NBPF3: variants seen among roughly 807,000 people sequenced by gnomAD.
The protein encoded by NBPF3 is NBPF member 3.
NBPF3 carries 57 observed loss-of-function variants against 78.1 expected under a neutral mutation model. The ratio of observed to expected loss-of-function variants is 0.73; its 90% CI spans 0.59 to 0.91. The LOEUF (loss-of-function observed/expected upper bound fraction) is 0.91. Ranked by LOEUF, NBPF3 falls within the 40% of genes least tolerant of loss-of-function variation. NBPF3 has a pLI of 0.00. For missense variants in NBPF3, 510 were observed against 715.3 expected, an observed-to-expected ratio of 0.71 and a Z score of 3.27; for synonymous variants, 182 against 271.7, an observed-to-expected ratio of 0.67 and a Z score of 3.25.
At chr1:21,467,457 A>C in intron 2 of NBPF3, 1 of 458,668 alleles carries the variant, frequency 2.2e-6, no homozygotes, top group African/African-American at 2.0e-5. Flanking sequence ...TCTCATCTCA[A>C]ACTCACCCTC....
chr1:21,438,100 G>A (rs375964344), upstream of NBPF3, among the ~76,000 whole-genome samples: 137 of 148,112 alleles, frequency 9.2e-4, 1 homozygote, highest in South Asian at 0.029. Context: ...GATTACAGGC[G>A]TGAGCCACCA....
At chr1:21,467,023 CAAGT>C in intron 2 of NBPF3, 1 of 984,908 alleles carries the variant, frequency 1.0e-6, no homozygotes, top group Non-Finnish European at 1.2e-6. Context: ...TGTGTGACCT[CAAGT>C]AAGCCACGTA....
intron 2 of NBPF3, among the ~76,000 whole-genome samples, chr1:21,456,305 C>T (rs1641599016): frequency 2.0e-5 from 3 of 152,218 alleles, no homozygotes; most frequent in African/African-American, 7.2e-5. Context: ...TAACTCTCCT[C>T]AAACTCACAT....
In NBPF3 at chr1:21,476,357, C is replaced by G. The variant is rs948254113; in HGVS notation, c.992+1406C>G. ...TTTTGCCTGTTAGTTGATGCACTTT[C>G]TTCCTAGCATTGATGGTCTTTACAA... is the stretch of plus-strand genomic sequence containing the variant. On this transcript the variant is annotated intron_variant, in intron 8 of 14. Coordinates refer to ENST00000318249, the MANE Select transcript of NBPF3 (RefSeq NM_032264.6). This position sits in a 1 kb window ranked among gnomAD's most constrained non-coding sequence, Gnocchi z 4.1. Among the ~76,000 whole-genome samples, 1 of 152,184 alleles carries G rather than the reference C, an allele frequency of 6.6e-6. No individual in the cohort carries two copies. Among genetic ancestry groups the G allele is most frequent in the East Asian group, 1.9e-4 (1 of 5,192 alleles).
chr1:21,465,910 C>G (rs1642234075), intron 2 of NBPF3, among the ~76,000 whole-genome samples: 1 of 152,224 alleles, frequency 6.6e-6, no homozygotes, highest in South Asian at 2.1e-4. Flanking sequence ...GTTGTGTTCA[C>G]TAGATCAGAG....
intron 8 of NBPF3, 87 bp downstream of exon 8, chr1:21,475,038 A>ATAAAAAGTT: frequency 8.5e-7 from 1 of 1,176,976 alleles, no homozygotes; most frequent in Non-Finnish European, 1.2e-6. Flanking sequence ...AATGAATAGA[A>ATAAAAAGTT]CTTTTTATTC....
rs532853129 is a variant in NBPF3 at position 21,468,473 on chromosome 1, C to G, written c.134-215C>G. On this transcript the variant is annotated intron_variant, in intron 2 of 14. Transcript: ENST00000318249. ...CCTGGCACACTGGCCTCACTCTTGT[C>G]GGAGACTGAGCTATTGGCAGTGCCT... The G allele has an allele frequency of 4.9e-6, 7 of 1,430,464 alleles. No homozygotes were observed. In the Admixed American group the frequency reaches 8.7e-5, roughly 18 times the overall value. 88.6% of individuals were successfully genotyped at this position (1,430,464 alleles called of 1,614,324 possible).
intron 2 of NBPF3, among the ~76,000 whole-genome samples, chr1:21,447,635 C>T (rs1177365310): frequency 2.6e-5 from 4 of 152,116 alleles, no homozygotes; most frequent in African/African-American, 9.7e-5. Flanking sequence ...ACAACAGTTT[C>T]TTTATTCATT....
chr1:21,445,107 C>G lies in NBPF3; in HGVS notation c.21C>G (p.Val7=), dbSNP rs200810409. The G allele has an allele frequency of 1.4e-4, 220 of 1,611,838 alleles. 3 individuals carry two copies. In the East Asian group the frequency reaches 2.7e-3, roughly 20 times the overall value. The change falls in exon 2 of 15, where the codon GTC becomes GTG. Residue 7 remains valine (V), a synonymous_variant. Transcript: ENST00000318249. ...TGGGGATGCCACTGACTCCCACTGT[C>G]CAGGGCTTCCAGTGGACTCTCCGAG... is the stretch of plus-strand genomic sequence containing the variant. MPLTPT[V]QGFQWTLRGP...
chr1:21,475,011 A>G, intron 8 of NBPF3, 60 bp downstream of exon 8: 1 of 1,446,164 alleles, frequency 6.9e-7, no homozygotes, highest in South Asian at 1.1e-5. Context: ...TTGTAGATTT[A>G]GAGAAAATGA....
At chr1:21,446,823 G>T (rs756736253) in intron 2 of NBPF3, among the ~76,000 whole-genome samples, 1 of 152,030 alleles carries the variant, frequency 6.6e-6, no homozygotes, top group Non-Finnish European at 1.5e-5. Context: ...AGTCTCAGTG[G>T]TTTCTAGTCT....
chr1:21,465,883 C>T (rs1642232659), intron 2 of NBPF3, among the ~76,000 whole-genome samples: 1 of 152,234 alleles, frequency 6.6e-6, no homozygotes, highest in South Asian at 2.1e-4. Flanking sequence ...TTAGCAAGTT[C>T]TTTCACATTC....
rs1271120396 is a variant in NBPF3, at chr1:21,460,457, G to A, written c.134-8231G>A. ...TTCTCATTGTTCAGTTCCCATCCATGAGTGAGAACGTGCTCACGCTGCTAC... is the reference window on the plus strand; with the variant it reads ...TTCTCATTGTTCAGTTCCCATCCATAAGTGAGAACGTGCTCACGCTGCTAC... On this transcript the variant is annotated intron_variant, in intron 2 of 14. Coordinates refer to ENST00000318249, the MANE Select transcript of NBPF3 (RefSeq NM_032264.6). The surrounding 1 kb of genome is among the most constrained non-coding windows in gnomAD (Gnocchi z 4.2). Among the ~76,000 whole-genome samples the A allele has an allele frequency of 6.6e-6, 1 of 152,128 alleles. No individual in the cohort carries two copies. Among genetic ancestry groups the A allele is most frequent in the African/African-American group, 2.4e-5 (1 of 41,428 alleles).
rs779381680 is a variant in NBPF3 at position 21,468,729 on chromosome 1, G to A, written c.175G>A (p.Val59Ile). 1.1e-5 allele frequency: 17 copies of A among 1,613,358 alleles called. No individual in the cohort carries two copies. In the Middle Eastern group the frequency reaches 6.6e-4, roughly 62 times the overall value. ...TSSATNVSMVVSAGPWSGEKA... is the reference protein window; with the variant it reads ...TSSATNVSMVISAGPWSGEKA... ...TTCTGCCACAAACGTCAGCATGGTG[G>A]TATCTGCCGGCCCTTGGTCCGGTGA... The change falls in exon 3 of 15, where the codon GTA becomes ATA. Residue 59 changes from valine (V) to isoleucine (I), a missense_variant. By Grantham distance (29) the Val-to-Ile change is conservative. Transcript: ENST00000318249.
chr1:21,473,192 T>C (rs1277808361), intron 6 of NBPF3, among the ~76,000 whole-genome samples, 188 bp from the exon 7 acceptor site: 1 of 152,234 alleles, frequency 6.6e-6, no homozygotes, highest in Non-Finnish European at 1.5e-5. Flanking sequence ...TCTTCCTCTC[T>C]GGCTCCCATG....
chr1:21,474,633 A>G (rs560685464), intron 7 of NBPF3, among the ~76,000 whole-genome samples: 1 of 152,138 alleles, frequency 6.6e-6, no homozygotes, highest in South Asian at 2.1e-4. Flanking sequence ...CTTTGGGGGG[A>G]AAATTTTGTT....
At chr1:21,457,352 A>ATATGTATATATGTATG (rs1641666887) in intron 2 of NBPF3, among the ~76,000 whole-genome samples, 1 of 144,182 alleles carries the variant, frequency 6.9e-6, no homozygotes, top group South Asian at 2.2e-4. Flanking sequence ...GTGTGTGTAT[A>ATATGTATATATGTATG]TATATATATA....
chr1:21,479,317 A>G (rs1372614999), intron 9 of NBPF3, 32 bp from the exon 10 acceptor site: 4 of 1,606,484 alleles, frequency 2.5e-6, no homozygotes, highest in East Asian at 2.2e-5. Context: ...GAACTGCTTC[A>G]TGTAAGAGGC....
chr1:21,438,445 A>G (rs1303917913), upstream of NBPF3, among the ~76,000 whole-genome samples: 1 of 152,100 alleles, frequency 6.6e-6, no homozygotes, highest in East Asian at 1.9e-4. Context: ...TCACTTCTCC[A>G]TGCCTCATTT....
Sources: allele counts gnomAD v4.1 joint callset (sites outside exome capture counted in the v4.1 genomes callset), GRCh38; gene constraint gnomAD v4.1.1; non-coding constraint Gnocchi (gnomAD v3.1); transcripts MANE v1.5; gene names NCBI Gene and HGNC (gene_info 2026-07-23, HGNC 2026-07-21).